The following AIG1 variants were observed in gnomAD, a reference collection of about 807,000 sequenced individuals.
AIG1 encodes the protein androgen induced 1, also known as androgen-induced gene 1 protein.
Under a neutral mutation model 31.4 loss-of-function variants are expected in AIG1, and 23 were observed. The observed-to-expected ratio is 0.73, with a 90% CI of 0.53 to 1.04. The LOEUF (loss-of-function observed/expected upper bound fraction) is 1.04. AIG1 is among the 50% of genes least tolerant of loss of function. AIG1 has a pLI of 0.00. For synonymous variants in AIG1, 100 were observed against 110.5 expected (o/e 0.90, Z 0.60); for missense variants, 274 against 295.0 (o/e 0.93, Z 0.52).
In AIG1 at chr6:143,268,323, A is replaced by T. The variant is rs17530336; in HGVS notation, c.400-15787A>T. ...ATTAGCACTTGGTATTGTCTGTACGACTGGCATTGTTCCCTGAGCCTCGAG... is the reference window on the plus strand; with the variant it reads ...ATTAGCACTTGGTATTGTCTGTACGTCTGGCATTGTTCCCTGAGCCTCGAG... On this transcript the variant is annotated intron_variant, in intron 3 of 5. Transcript: ENST00000357847. This position sits in a 1 kb window ranked among gnomAD's most constrained non-coding sequence, Gnocchi z 5.0. 0.12 allele frequency among the ~76,000 whole-genome samples: 18,340 copies of T among 152,066 alleles called. 1,065 individuals are homozygous for T. Among genetic ancestry groups the T allele is most frequent in the South Asian group, 0.17 (834 of 4,804 alleles).
intron 4 of AIG1, among the ~76,000 whole-genome samples, chr6:143,307,812 C>T (rs556727728): frequency 6.6e-6 from 1 of 152,342 alleles, no homozygotes; most frequent in South Asian, 2.1e-4. Flanking sequence ...GAGGTGGAGC[C>T]TACAGAGGCA....
downstream of AIG1, chr6:143,342,506 C>CTT: frequency 1.3e-6 from 1 of 799,566 alleles, no homozygotes; most frequent in African/African-American, 1.7e-5. Flanking sequence ...AAGAAACAGT[C>CTT]TTTTATCTTT....
At chr6:143,220,446 A>G (rs376615851) in intron 3 of AIG1, among the ~76,000 whole-genome samples, 1 of 152,150 alleles carries the variant, frequency 6.6e-6, no homozygotes, top group Admixed American at 6.5e-5. Flanking sequence ...TAACTTGTGA[A>G]TGAAAGAATG....
chr6:143,274,238 G>T (rs1204476425), intron 3 of AIG1, among the ~76,000 whole-genome samples: 2 of 152,144 alleles, frequency 1.3e-5, no homozygotes, highest in Non-Finnish European at 2.9e-5. Flanking sequence ...TTGTCCTGGT[G>T]CTCCATAGGC....
chr6:143,146,543 TTCTC>T (rs1322992854), intron 2 of AIG1, among the ~76,000 whole-genome samples: 1 of 150,558 alleles, frequency 6.6e-6, no homozygotes, highest in Non-Finnish European at 1.5e-5. Flanking sequence ...CCTCACCCTC[TTCTC>T]TCTTTCTCTC....
intron 3 of AIG1, among the ~76,000 whole-genome samples, chr6:143,282,918 C>A (rs1241649575): frequency 6.6e-6 from 1 of 152,172 alleles, no homozygotes; most frequent in Non-Finnish European, 1.5e-5. Flanking sequence ...CAATTTCCTG[C>A]CTTTTCCTTG....
intron 3 of AIG1, chr6:143,188,558 G>T: frequency 1.0e-6 from 1 of 985,380 alleles, no homozygotes; most frequent in Non-Finnish European, 1.2e-6. Flanking sequence ...GGGCAGTCAA[G>T]GTGGGACAGC....
intron 1 of AIG1, among the ~76,000 whole-genome samples, chr6:143,073,110 G>A (rs906572065): frequency 1.3e-5 from 2 of 151,928 alleles, no homozygotes; most frequent in African/African-American, 2.4e-5. Context: ...TGGATTTCAC[G>A]TATAAATGAG....
rs1170072811 is a variant in AIG1 at position 143,331,072 on chromosome 6, T to C, written c.516-2210T>C. Among the ~76,000 whole-genome samples, 1 of 152,180 alleles carries C rather than the reference T, an allele frequency of 6.6e-6. No homozygotes were observed. Among genetic ancestry groups the C allele is most frequent in the Non-Finnish European group, 1.5e-5 (1 of 68,032 alleles). The stretch of plus-strand genomic sequence containing the variant: ...CCTGGACAGACCTAGAGAATGCCTC[T>C]TTGCTGTAAGATTGTTCCTCAATCT... On this transcript the variant is annotated intron_variant, in intron 4 of 5. Coordinates refer to ENST00000357847, the MANE Select transcript of AIG1 (RefSeq NM_016108.4). This position sits in a 1 kb window ranked among gnomAD's most constrained non-coding sequence, Gnocchi z 4.1.
At chr6:143,305,923 T>C (rs1399572603) in intron 4 of AIG1, among the ~76,000 whole-genome samples, 1 of 152,244 alleles carries the variant, frequency 6.6e-6, no homozygotes, top group East Asian at 1.9e-4. Flanking sequence ...ATTGGGTGCA[T>C]ATATATTTAG....
chr6:143,183,256 C>T (rs1417121640), intron 3 of AIG1, among the ~76,000 whole-genome samples: 6 of 142,126 alleles, frequency 4.2e-5, no homozygotes, highest in East Asian at 2.2e-4. Flanking sequence ...AGTGCGATGG[C>T]GCAATCTTGG....
intron 3 of AIG1, among the ~76,000 whole-genome samples, chr6:143,183,454 A>C (rs573511468): frequency 2.6e-5 from 4 of 152,264 alleles, no homozygotes; most frequent in African/African-American, 7.2e-5. Flanking sequence ...TTGGCCTCCC[A>C]AAGTGCTGGG....
intron 4 of AIG1, among the ~76,000 whole-genome samples, chr6:143,320,702 G>T (rs191047648): frequency 6.6e-6 from 1 of 152,094 alleles, no homozygotes; most frequent in African/African-American, 2.4e-5. Flanking sequence ...AATCAAGGAG[G>T]TGTTGGTCAA....
chr6:143,060,830 C>G (rs1222049646), upstream of AIG1: 2 of 626,590 alleles, frequency 3.2e-6, no homozygotes, highest in African/African-American at 2.1e-5. Context: ...CGCCCGCGCC[C>G]GCGCCCGGGT....
chr6:143,233,579 CA>C (rs67282019), intron 3 of AIG1, among the ~76,000 whole-genome samples: 72 of 123,484 alleles, frequency 5.8e-4, no homozygotes, highest in Non-Finnish European at 6.9e-4. Flanking sequence ...ATTTATGGAC[CA>C]AAAAAAAAAA....
At chr6:143,245,646 G>A (rs1217159379) in intron 3 of AIG1, among the ~76,000 whole-genome samples, 1 of 152,158 alleles carries the variant, frequency 6.6e-6, no homozygotes, top group Non-Finnish European at 1.5e-5. Flanking sequence ...CAAAAGTGGG[G>A]CTCTTCATCC....
intron 3 of AIG1, among the ~76,000 whole-genome samples, chr6:143,219,412 G>A (rs1049334828): frequency 1.3e-5 from 2 of 152,122 alleles, no homozygotes; most frequent in African/African-American, 4.8e-5. Flanking sequence ...CGAGGCTGCC[G>A]TGATCTATGA....
chr6:143,316,930 A>G (rs1775796719), intron 4 of AIG1, among the ~76,000 whole-genome samples: 1 of 152,128 alleles, frequency 6.6e-6, no homozygotes, highest in African/African-American at 2.4e-5. Flanking sequence ...ATTTCTGGAA[A>G]TATACAACCC....
chr6:143,132,432 A>G (rs2128515437), intron 1 of AIG1, among the ~76,000 whole-genome samples: 1 of 152,246 alleles, frequency 6.6e-6, no homozygotes, highest in South Asian at 2.1e-4. Flanking sequence ...CGTTTTACAC[A>G]AGAAATATGT....
Sources: gnomAD v4.1 joint callset for allele counts (sites outside exome capture counted in the v4.1 genomes callset) on GRCh38, gnomAD v4.1.1 for gene constraint, Gnocchi (gnomAD v3.1) non-coding constraint, MANE v1.5 for transcripts, NCBI Gene and HGNC (gene_info 2026-07-23, HGNC 2026-07-21) for gene names.